TLE6: variants seen among roughly 807,000 people sequenced by gnomAD.
TLE6 encodes transducin-like enhancer protein 6.
Under a neutral mutation model 77.1 loss-of-function variants are expected in TLE6, and 72 were observed. The observed-to-expected ratio is 0.93, with a 90% CI of 0.77 to 1.14. The LOEUF (loss-of-function observed/expected upper bound fraction) is 1.14, where lower values mean the gene tolerates loss of function less well. Among genes scored for constraint, TLE6 ranks in the 50% most tolerant of loss-of-function variants. The pLI is 0.00. For synonymous variants in TLE6, 366 were observed against 287.3 expected (o/e 1.27, Z -2.77); for missense variants, 843 against 747.6 (o/e 1.13, Z -1.49).
rs760318064 is a variant in TLE6 at position 2,989,799 on chromosome 19, G to C, written c.1244+14G>C. 6.2e-7 allele frequency: 1 copy of C among 1,607,954 alleles called. No homozygotes were observed. The highest frequency in any genetic ancestry group is 8.5e-7 in the Non-Finnish European group (1 of 1,175,686). On this transcript the variant is annotated intron_variant, in intron 13 of 16. Coordinates refer to ENST00000246112, the MANE Select transcript of TLE6 (RefSeq NM_001143986.2). Reference sequence around the variant, plus strand: ...GAGTGTGGTCAGGTGCGTTTGGGGGGTGGGAAGGGGAAGCATCCTGTGCCA... The same window carrying C: ...GAGTGTGGTCAGGTGCGTTTGGGGGCTGGGAAGGGGAAGCATCCTGTGCCA...
intron 10 of TLE6, 50 bp from the exon 11 acceptor site, chr19:2,988,041 C>T: frequency 6.4e-7 from 1 of 1,565,770 alleles, no homozygotes; most frequent in Non-Finnish European, 8.7e-7. Context: ...AGGAGGTGGG[C>T]ACAGATGTGC....
intron 13 of TLE6, among the ~76,000 whole-genome samples, chr19:2,990,806 G>C (rs2089033343): frequency 6.6e-6 from 1 of 151,414 alleles, no homozygotes; most frequent in Non-Finnish European, 1.5e-5. Context: ...CTCAAGACCA[G>C]CCTGGCCAAC....
Position 2,987,946 on chromosome 19 carries a change from A to C in TLE6, c.674A>C (p.Asp225Ala), listed in dbSNP as rs770982104. Residue 225 changes from aspartate to alanine, a missense_variant, in exon 10 of 17, where the codon GAC (aspartate) becomes GCC (alanine). Physicochemically the swap from Asp to Ala is moderately radical, Grantham distance 126. Coordinates refer to ENST00000246112, the MANE Select transcript of TLE6 (RefSeq NM_001143986.2). ...ASSSPPEGSQ[D>A]RNTSWGVVQE... ...TCCAGTCCCCCTGAGGGTTCCCAAG[A>C]CAGGAACACAAGTTGGGGTGTGGTC... 45 of 1,610,378 alleles carry C rather than the reference A, an allele frequency of 2.8e-5. No homozygotes were observed. In the Admixed American group the frequency reaches 7.4e-4, roughly 26 times the overall value.
intron 16 of TLE6, 133 bp downstream of exon 16, chr19:2,994,228 C>A (rs139635139): frequency 0.013 from 9,469 of 704,808 alleles, 136 homozygotes; most frequent in African/African-American, 0.047. Context: ...TTAATCCCAG[C>A]ATTTTGGGAG....
At chr19:2,977,456 T>C (rs940339130), upstream of TLE6, 2 of 151,944 alleles carry the variant, frequency 1.3e-5, no homozygotes, top group Non-Finnish European at 2.9e-5. Context: ...ATTGATCTGC[T>C]TCGCGGTCCA....
chr19:2,987,044 A>G lies in TLE6; in HGVS notation c.347A>G (p.Gln116Arg). 1 of 1,614,104 alleles carries G rather than the reference A, an allele frequency of 6.2e-7. No individual in the cohort carries two copies. Among genetic ancestry groups the G allele is most frequent in the Non-Finnish European group, 8.5e-7 (1 of 1,179,968 alleles). The change falls in exon 7 of 17, where the codon CAG (glutamine) becomes CGG (arginine). Residue 116 changes from glutamine to arginine, a missense_variant. Transcript: ENST00000246112. The stretch of plus-strand genomic sequence containing the variant: ...CAGCAGGTGAAGGACAAGACCCTGC[A>G]GGAGTCGAGCTTTGAGGACATCATG... ...TPQQVKDKTL[Q>R]ESSFEDIMAT...
chr19:2,982,106 C>G (rs1471348153), intron 4 of TLE6, 42 bp from the exon 5 acceptor site: 3 of 1,550,758 alleles, frequency 1.9e-6, no homozygotes, highest in Non-Finnish European at 2.6e-6. Flanking sequence ...AGCATTCACA[C>G]CCGGACCACC....
chr19:2,991,871 A>G lies in TLE6; in HGVS notation c.1273A>G (p.Lys425Glu). The change falls in exon 14 of 17, where the codon AAG (lysine) becomes GAG (glutamate). Residue 425 changes from lysine (K) to glutamate (E), a missense_variant. Lys to Glu is a moderately conservative substitution (Grantham distance 56, BLOSUM62 1). Coordinates refer to ENST00000246112, the MANE Select transcript of TLE6 (RefSeq NM_001143986.2). ...RDLKGYPDGV[K>E]SIVVKGYNIW... ...CCTCAAGGGTTATCCTGATGGAGTC[A>G]AGAGTATCGTGGTCAAGGGCTACAA... The G allele has an allele frequency of 6.2e-7, 1 of 1,613,832 alleles. No individual in the cohort carries two copies. Among genetic ancestry groups the G allele is most frequent in the South Asian group, 1.1e-5 (1 of 91,058 alleles).
At chr19:2,982,287 C>T (rs1361984839) in intron 5 of TLE6, 98 bp downstream of exon 5, 16 of 1,393,868 alleles carry the variant, frequency 1.1e-5, no homozygotes, top group Non-Finnish European at 1.6e-5. Flanking sequence ...CCTGTAATCC[C>T]AGCACTTTGG....
intron 5 of TLE6, chr19:2,984,511 A>G (rs1432863887): frequency 1.3e-5 from 2 of 152,238 alleles, no homozygotes; most frequent in African/African-American, 4.8e-5. Flanking sequence ...TCCGTCTCCC[A>G]GGCTGGAGTG....
rs749194973 is a variant in TLE6, at chr19:2,993,518, G to A, written c.1473G>A (p.Gly491=). The change falls in exon 15 of 17, where the codon GGG becomes GGA. Residue 491 remains glycine, a synonymous_variant. Coordinates refer to ENST00000246112, the MANE Select transcript of TLE6 (RefSeq NM_001143986.2). The part of the protein sequence containing the change: ...NGQQWLQSTS[G]SQRHMVGQKD... Reference sequence around the variant, plus strand: ...AGCAGTGGCTGCAAAGCACCAGCGGGAGCCAGCGGCACATGGTGGGGCAAA... The same window carrying A: ...AGCAGTGGCTGCAAAGCACCAGCGGAAGCCAGCGGCACATGGTGGGGCAAA... 1.4e-5 allele frequency: 23 copies of A among 1,593,298 alleles called. No individual in the cohort carries two copies. Among genetic ancestry groups the A allele is most frequent in the Non-Finnish European group, 2.0e-5 (23 of 1,164,324 alleles).
At chr19:2,993,662 AC>A (rs1309726943) in intron 15 of TLE6, 80 bp downstream of exon 15, 46 of 1,482,964 alleles carry the variant, frequency 3.1e-5, no homozygotes, top group Non-Finnish European at 4.1e-5. Flanking sequence ...CCAGCTCCCC[AC>A]CCAACCCTCT....
chr19:2,987,607 AC>A lies in TLE6; in HGVS notation c.559-114del, dbSNP rs566419488. On this transcript the variant is annotated intron_variant, in intron 8 of 16. Coordinates refer to ENST00000246112, the MANE Select transcript of TLE6 (RefSeq NM_001143986.2). ...ACTCTCTCTCTGCAACTCTGCCTGGACCCGCAGACAGGACCCCAGGCAGCTG... is the reference window on the plus strand; with the variant it reads ...ACTCTCTCTCTGCAACTCTGCCTGGACCGCAGACAGGACCCCAGGCAGCTG... 4,415 of 1,256,520 alleles carry A rather than the reference AC, an allele frequency of 3.5e-3. 7 individuals are homozygous for A. The highest frequency in any genetic ancestry group is 4.5e-3 in the Non-Finnish European group (3,877 of 864,206). 77.8% of individuals were successfully genotyped at this position (1,256,520 alleles called of 1,614,324 possible). A position where few individuals can be genotyped will look rare whatever the true frequency, so the allele number is the denominator to read the frequency against.
chr19:2,981,777 C>T (rs2088803001), intron 4 of TLE6, among the ~76,000 whole-genome samples, 194 bp downstream of exon 4: 2 of 151,966 alleles, frequency 1.3e-5, no homozygotes, highest in South Asian at 4.1e-4. Flanking sequence ...TGGAGACCAG[C>T]CTGGCCAACA....
intron 5 of TLE6, among the ~76,000 whole-genome samples, chr19:2,982,828 C>T (rs1421882371): frequency 6.6e-6 from 1 of 152,160 alleles, no homozygotes; most frequent in Non-Finnish European, 1.5e-5. Flanking sequence ...ACCTAGATGA[C>T]CCTTTGCCGG....
At chr19:2,994,162 A>G in intron 16 of TLE6, 67 bp downstream of exon 16, 1 of 1,378,510 alleles carries the variant, frequency 7.3e-7, no homozygotes, top group East Asian at 2.4e-5. Context: ...GCAACACAGC[A>G]AGACCCTGTC....
rs372086778 is a variant in TLE6, at chr19:2,994,894, C to T, written c.1615-6C>T. The stretch of plus-strand genomic sequence containing the variant: ...CCCAGCTCACTGCCCACTGCCCCCC[C>T]TCCAGGTGCCTGAGATGTCTCCAGT... On this transcript the variant is annotated splice_region_variant and splice_polypyrimidine_tract_variant and intron_variant, in intron 16 of 16. Transcript: ENST00000246112. 1.4e-4 allele frequency: 218 copies of T among 1,583,830 alleles called. 1 individual carries two copies. The African/African-American group carries it at 1.8e-3, about 13-fold the overall frequency.
chr19:2,982,139 C>T lies in TLE6; in HGVS notation c.181-9C>T. 3 of 1,551,458 alleles carry T rather than the reference C, an allele frequency of 1.9e-6. No individual in the cohort carries two copies. Among genetic ancestry groups the T allele is most frequent in the South Asian group, 2.4e-5 (2 of 84,052 alleles). ...ACCTCCCGATGGGATCTCTGTTTTC[C>T]CTTTGCAGCTGCACAAGATCCAGCA... On this transcript the variant is annotated splice_polypyrimidine_tract_variant and intron_variant, in intron 4 of 16. Coordinates refer to ENST00000246112, the MANE Select transcript of TLE6 (RefSeq NM_001143986.2).
At chr19:2,990,676 T>A (rs373162973) in intron 13 of TLE6, among the ~76,000 whole-genome samples, 5 of 75,736 alleles carry the variant, frequency 6.6e-5, no homozygotes, top group African/African-American at 2.3e-4. Flanking sequence ...TACATAAATA[T>A]ATACATAAAT....
Sources: allele counts gnomAD v4.1 joint callset (sites outside exome capture counted in the v4.1 genomes callset), GRCh38; gene constraint gnomAD v4.1.1; transcripts MANE v1.5; gene names NCBI Gene and HGNC (gene_info 2026-07-23, HGNC 2026-07-21).